Variants in DTNB observed in about 807,000 individuals in gnomAD.
The protein encoded by DTNB is DTN-B.
Under a neutral mutation model 90.7 loss-of-function variants are expected in DTNB, and 63 were observed. The ratio of observed to expected loss-of-function variants is 0.69; its 90% CI spans 0.57 to 0.86. The LOEUF (loss-of-function observed/expected upper bound fraction) is 0.86, where lower values mean the gene tolerates loss of function less well. Ranked by LOEUF, DTNB falls within the 40% of genes least tolerant of loss-of-function variation. DTNB has a pLI of 0.00. For missense variants in DTNB, 744 were observed against 807.1 expected (o/e 0.92, Z 0.95); for synonymous variants, 277 against 286.7 (o/e 0.97, Z 0.34).
intron 2 of DTNB, among the ~76,000 whole-genome samples, chr2:25,646,082 T>C (rs1050521113): frequency 1.2e-4 from 19 of 152,126 alleles, no homozygotes; most frequent in African/African-American, 4.6e-4. Context: ...TTTTAAAATT[T>C]AACCTGAGAG....
intron 8 of DTNB, among the ~76,000 whole-genome samples, chr2:25,536,045 G>A (rs1235210329): frequency 2.0e-5 from 3 of 149,196 alleles, no homozygotes; most frequent in Admixed American, 2.0e-4. Flanking sequence ...CCGGGCAGAG[G>A]TGCTCCCCAC....
chr2:25,579,701 A>G (rs955104588), intron 7 of DTNB, among the ~76,000 whole-genome samples: 3 of 152,148 alleles, frequency 2.0e-5, no homozygotes, highest in African/African-American at 7.2e-5. Flanking sequence ...CAAAATGGTG[A>G]AGGAAAAAAA....
At chr2:25,617,749 G>T (rs747843949) in intron 4 of DTNB, among the ~76,000 whole-genome samples, 1 of 152,052 alleles carries the variant, frequency 6.6e-6, no homozygotes, top group Non-Finnish European at 1.5e-5. Flanking sequence ...GTGGTGATAC[G>T]CGCCTGTAGT....
intron 12 of DTNB, among the ~76,000 whole-genome samples, chr2:25,439,095 A>T (rs1414141141): frequency 1.3e-5 from 2 of 152,234 alleles, no homozygotes; most frequent in Non-Finnish European, 2.9e-5. Context: ...CAGAAGAAGG[A>T]CATTAGGTAA....
At chr2:25,426,120 T>C (rs1230887446) in intron 15 of DTNB, among the ~76,000 whole-genome samples, 1 of 152,232 alleles carries the variant, frequency 6.6e-6, no homozygotes, top group African/African-American at 2.4e-5. Flanking sequence ...TATAGTGAAG[T>C]TACTGATTAG....
intron 5 of DTNB, among the ~76,000 whole-genome samples, chr2:25,597,972 G>GA (rs2064994099): frequency 6.6e-6 from 1 of 152,202 alleles, no homozygotes; most frequent in African/African-American, 2.4e-5. Flanking sequence ...TAACTATGCT[G>GA]AGCTGCCAGT....
At chr2:25,472,387 C>G (rs562770180) in intron 10 of DTNB, among the ~76,000 whole-genome samples, 1 of 152,150 alleles carries the variant, frequency 6.6e-6, no homozygotes, top group Non-Finnish European at 1.5e-5. Flanking sequence ...AGCCACCTGC[C>G]TGGGGCATTG....
chr2:25,537,833 CAGA>C (rs1332765228), intron 8 of DTNB, among the ~76,000 whole-genome samples: 11 of 152,286 alleles, frequency 7.2e-5, no homozygotes, highest in South Asian at 6.2e-4. Flanking sequence ...GGAGCGAGGA[CAGA>C]AGAAGAACAC....
At chr2:25,546,665 C>A (rs1031266574) in intron 8 of DTNB, among the ~76,000 whole-genome samples, 1 of 152,138 alleles carries the variant, frequency 6.6e-6, no homozygotes, top group African/African-American at 2.4e-5. Flanking sequence ...ATTCTGATAG[C>A]CAGGGCTTTC....
intron 9 of DTNB, among the ~76,000 whole-genome samples, chr2:25,499,736 C>T (rs554033128): frequency 2.6e-5 from 4 of 152,232 alleles, no homozygotes; most frequent in East Asian, 3.9e-4. Context: ...GTAAACTTTG[C>T]GAGAGCAGGG....
chr2:25,464,016 G>A (rs758008659), intron 10 of DTNB, among the ~76,000 whole-genome samples: 1 of 152,070 alleles, frequency 6.6e-6, no homozygotes, highest in South Asian at 2.1e-4. Flanking sequence ...AACGATTCTC[G>A]TGCCTCAGCC....
At chr2:25,470,905 C>T (rs1389908500) in intron 10 of DTNB, among the ~76,000 whole-genome samples, 1 of 152,062 alleles carries the variant, frequency 6.6e-6, no homozygotes, top group Non-Finnish European at 1.5e-5. Context: ...AAAAAATACA[C>T]AATGTCAAGG....
intron 9 of DTNB, among the ~76,000 whole-genome samples, chr2:25,496,963 G>A (rs1254473773): frequency 6.6e-6 from 1 of 152,148 alleles, no homozygotes; most frequent in Admixed American, 6.5e-5. Flanking sequence ...AGTGCTTAAG[G>A]TGGCAAAAAT....
At chr2:25,443,444 C>T (rs945086483) in intron 12 of DTNB, among the ~76,000 whole-genome samples, 1 of 152,170 alleles carries the variant, frequency 6.6e-6, no homozygotes, top group African/African-American at 2.4e-5. Context: ...TGTTATAAAA[C>T]CAAGGGATGC....
intron 3 of DTNB, among the ~76,000 whole-genome samples, chr2:25,635,778 A>T (rs895406711): frequency 6.6e-6 from 1 of 152,232 alleles, no homozygotes; most frequent in Non-Finnish European, 1.5e-5. Context: ...TGTTAAAAAG[A>T]CAAGACTGTC....
intron 9 of DTNB, among the ~76,000 whole-genome samples, chr2:25,508,998 T>C (rs1269350804): frequency 1.3e-5 from 2 of 152,258 alleles, no homozygotes; most frequent in Non-Finnish European, 2.9e-5. Flanking sequence ...GCCACTGATT[T>C]TTTTAAAGTG....
chr2:25,612,202 A>G (rs759251732), intron 4 of DTNB, among the ~76,000 whole-genome samples: 10 of 152,180 alleles, frequency 6.6e-5, no homozygotes, highest in Admixed American at 2.6e-4. Context: ...AGAATAAGAA[A>G]TTATATATGA....
chr2:25,637,825 G>A (rs1454086670), intron 3 of DTNB, among the ~76,000 whole-genome samples: 1 of 152,166 alleles, frequency 6.6e-6, no homozygotes, highest in Non-Finnish European at 1.5e-5. Flanking sequence ...TCTAGAACTA[G>A]AAATACCATT....
intron 10 of DTNB, among the ~76,000 whole-genome samples, chr2:25,479,480 A>G (rs2064467901): frequency 6.6e-6 from 1 of 152,230 alleles, no homozygotes; most frequent in South Asian, 2.1e-4. Flanking sequence ...AAAAGAAAGT[A>G]AATTTCAAGG....
Sources: allele counts gnomAD v4.1 joint callset (sites outside exome capture counted in the v4.1 genomes callset), GRCh38; gene constraint gnomAD v4.1.1; transcripts MANE v1.5; gene names NCBI Gene and HGNC (gene_info 2026-07-23, HGNC 2026-07-21).